BMPR2: variants seen among roughly 807,000 people sequenced by gnomAD.
BMPR2 encodes the protein bone morphogenetic protein receptor type-2.
Under a neutral mutation model 100.8 loss-of-function variants are expected in BMPR2, and 29 were observed. That is an observed-to-expected ratio of 0.29 (90% CI 0.21 to 0.39). The LOEUF is 0.39. BMPR2 is among the 10% of genes least tolerant of loss of function. BMPR2 has a pLI of 1.00. For synonymous variants in BMPR2, 382 were observed against 442.3 expected (o/e 0.86, Z 1.71); for missense variants, 1,011 against 1,274.5 (o/e 0.79, Z 3.15).
chr2:202,512,874 C>A (rs190536774), intron 3 of BMPR2, among the ~76,000 whole-genome samples: 1 of 151,778 alleles, frequency 6.6e-6, no homozygotes, highest in East Asian at 1.9e-4. Flanking sequence ...CAAAGCCATG[C>A]TATTTTCATT....
chr2:202,413,769 A>C (rs1691063923), intron 1 of BMPR2, among the ~76,000 whole-genome samples: 1 of 151,876 alleles, frequency 6.6e-6, no homozygotes, highest in African/African-American at 2.4e-5. Context: ...TGTTCAAATG[A>C]TCCTCCCACC....
intron 10 of BMPR2, among the ~76,000 whole-genome samples, chr2:202,543,366 T>C (rs1688316588): frequency 6.6e-6 from 1 of 150,442 alleles, no homozygotes; most frequent in African/African-American, 2.4e-5. Context: ...TTAACAAATA[T>C]ACACTCATAT....
chr2:202,389,728 G>A (rs1357482190), intron 1 of BMPR2, among the ~76,000 whole-genome samples: 2 of 150,116 alleles, frequency 1.3e-5, no homozygotes, highest in Non-Finnish European at 3.0e-5. Context: ...CGCAACCTCC[G>A]CCTCCTGGGT....
In BMPR2 at chr2:202,555,633, A is replaced by T. The variant is rs1688554821; in HGVS notation, c.1968A>T (p.Leu656Phe). 2.5e-6 allele frequency: 4 copies of T among 1,614,156 alleles called. No homozygotes were observed. Among genetic ancestry groups the T allele is most frequent in the Non-Finnish European group, 3.4e-6 (4 of 1,180,036 alleles). Residue 656 changes from leucine to phenylalanine, a missense_variant, in exon 12 of 13, where the codon TTA becomes TTT. Transcript: ENST00000374580. ...CAATTGGGCCAACCCCTGTCTGCTT[A>T]CAGCTGACAGAAGAAGACTTGGAAA... is the stretch of plus-strand genomic sequence containing the variant. ...AQSIGPTPVC[L>F]QLTEEDLETN...
At chr2:202,408,026 G>T (rs1452416834) in intron 1 of BMPR2, among the ~76,000 whole-genome samples, 1 of 151,746 alleles carries the variant, frequency 6.6e-6, no homozygotes, top group Non-Finnish European at 1.5e-5. Flanking sequence ...GTAGAGACGG[G>T]GTTTCACCGT....
At chr2:202,450,228 G>T (rs554961446) in intron 1 of BMPR2, among the ~76,000 whole-genome samples, 4 of 152,304 alleles carry the variant, frequency 2.6e-5, no homozygotes, top group South Asian at 2.1e-4. Flanking sequence ...AACATCCTGA[G>T]CAGGTAGGTA....
intron 1 of BMPR2, among the ~76,000 whole-genome samples, chr2:202,435,971 A>T (rs1174180745): frequency 6.6e-6 from 1 of 150,740 alleles, no homozygotes; most frequent in African/African-American, 2.5e-5. Flanking sequence ...TATTTCTGTC[A>T]TTAAGCCACA....
chr2:202,478,263 A>G (rs1559050642), intron 3 of BMPR2, among the ~76,000 whole-genome samples: 2 of 152,198 alleles, frequency 1.3e-5, no homozygotes, highest in Non-Finnish European at 2.9e-5. Context: ...ATACACCTTC[A>G]GGAGAAATAC....
chr2:202,394,480 C>T (rs2105905773), intron 1 of BMPR2, among the ~76,000 whole-genome samples: 1 of 152,016 alleles, frequency 6.6e-6, no homozygotes, highest in African/African-American at 2.4e-5. Context: ...TACTGTTTAA[C>T]AAAAGTAACT....
At position 202,563,525 on chromosome 2, in the gene BMPR2, T is replaced by C. The variant is rs1261641839; in HGVS notation, c.*3579T>C. ...CCACATACCTTAATGATTTGGGAAGTTAGGCAAATATGAGATATGTAGACA... is the reference window on the plus strand; with the variant it reads ...CCACATACCTTAATGATTTGGGAAGCTAGGCAAATATGAGATATGTAGACA... On this transcript the variant is annotated 3_prime_UTR_variant, in exon 13 of 13. Transcript: ENST00000374580. 6.6e-6 allele frequency: 1 copy of C among 152,198 alleles called. No homozygotes were observed. The highest frequency in any genetic ancestry group is 1.5e-5 in the Non-Finnish European group (1 of 68,034). The allele number at this position is 152,198 out of a possible 1,614,324, so 9.4% of individuals were successfully genotyped here. A position where few individuals can be genotyped will look rare whatever the true frequency, so the allele number is the denominator to read the frequency against.
chr2:202,566,420 G>A lies in BMPR2; in HGVS notation c.*6474G>A, dbSNP rs1186587365. 6.6e-6 allele frequency: 1 copy of A among 152,574 alleles called. No individual in the cohort carries two copies. The highest frequency in any genetic ancestry group is 1.9e-4 in the East Asian group (1 of 5,200). The allele number at this position is 152,574 out of a possible 1,614,324, so 9.5% of individuals were successfully genotyped here. On this transcript the variant is annotated 3_prime_UTR_variant, in exon 13 of 13. Transcript: ENST00000374580. ...ACTTTTTCACATAGATATAATATCA[G>A]ATTTCATTAATTATAAAAAGTTGCC...
intron 1 of BMPR2, among the ~76,000 whole-genome samples, chr2:202,419,649 C>A (rs955125595): frequency 6.6e-6 from 1 of 152,092 alleles, no homozygotes; most frequent in African/African-American, 2.4e-5. Context: ...GCCACTGCAC[C>A]TGGTGTATGT....
chr2:202,451,285 T>TA (rs1691974420), intron 1 of BMPR2, among the ~76,000 whole-genome samples: 1 of 152,218 alleles, frequency 6.6e-6, no homozygotes, highest in African/African-American at 2.4e-5. Flanking sequence ...CACCTTTTAA[T>TA]AACACGAATG....
chr2:202,406,042 C>G (rs1176464687), intron 1 of BMPR2, among the ~76,000 whole-genome samples: 1 of 152,192 alleles, frequency 6.6e-6, no homozygotes, highest in Admixed American at 6.6e-5. Context: ...TTGTATTTCA[C>G]TTCTTGATGA....
intron 1 of BMPR2, among the ~76,000 whole-genome samples, chr2:202,446,738 C>T (rs1323963158): frequency 6.7e-6 from 1 of 149,116 alleles, no homozygotes; most frequent in East Asian, 2.0e-4. Context: ...TGAGCCTCTA[C>T]CTCCCAGGTT....
chr2:202,534,796 G>T (rs1234034196), intron 9 of BMPR2, among the ~76,000 whole-genome samples: 1 of 152,054 alleles, frequency 6.6e-6, no homozygotes, highest in African/African-American at 2.4e-5. Context: ...AGACGGGGTG[G>T]TGGCCGGGCA....
rs1559074501 is a variant in BMPR2, at chr2:202,556,544, A to T, written c.2866+13A>T. 6.2e-7 allele frequency: 1 copy of T among 1,609,746 alleles called. No individual in the cohort carries two copies. The highest frequency in any genetic ancestry group is 8.5e-7 in the Non-Finnish European group (1 of 1,179,748). On this transcript the variant is annotated intron_variant, in intron 12 of 12. Transcript: ENST00000374580. ...AGCAGTATACAGAGTAAGTGGAGGG[A>T]TCATATAATCTCTCCTGTGTGTCTT... is the stretch of plus-strand genomic sequence containing the variant.
Position 202,564,741 on chromosome 2 carries a change from C to CT in BMPR2, c.*4798dup, listed in dbSNP as rs1410329498. On this transcript the variant is annotated 3_prime_UTR_variant, in exon 13 of 13. Coordinates refer to ENST00000374580, the MANE Select transcript of BMPR2 (RefSeq NM_001204.7). ...GGCATTTAAGTGCACCTTCCCATTA[C>CT]TTTCCTTAAATCACCTCATAGTTAG... 1 of 152,158 alleles carries CT rather than the reference C, an allele frequency of 6.6e-6. No individual in the cohort carries two copies. Among genetic ancestry groups the CT allele is most frequent in the Non-Finnish European group, 1.5e-5 (1 of 68,018 alleles). The allele number at this position is 152,158 out of a possible 1,614,324, so 9.4% of individuals were successfully genotyped here. A position where few individuals can be genotyped will look rare whatever the true frequency, so the allele number is the denominator to read the frequency against.
At chr2:202,437,087 CCT>C (rs1691628537) in intron 1 of BMPR2, among the ~76,000 whole-genome samples, 1 of 150,414 alleles carries the variant, frequency 6.6e-6, no homozygotes, top group Admixed American at 6.6e-5. Flanking sequence ...CTCACTGCAA[CCT>C]CTGTCTCCCA....
Sources: allele counts gnomAD v4.1 joint callset (sites outside exome capture counted in the v4.1 genomes callset), GRCh38; gene constraint gnomAD v4.1.1; transcripts MANE v1.5; gene names NCBI Gene and HGNC (gene_info 2026-07-23, HGNC 2026-07-21).